Variants in COL4A1 observed in about 807,000 individuals in gnomAD.
COL4A1 encodes the protein collagen alpha-1(IV) chain.
In COL4A1, 40 loss-of-function variants were observed where a neutral mutation model predicts 216.6. The observed-to-expected ratio is 0.18, with a 90% CI of 0.14 to 0.24. The LOEUF (loss-of-function observed/expected upper bound fraction) is 0.24, where lower values mean the gene tolerates loss of function less well. Ranked by LOEUF, COL4A1 falls within the 10% of genes least tolerant of loss-of-function variation. COL4A1 has a pLI of 1.00. For synonymous variants in COL4A1, 839 were observed against 810.7 expected (o/e 1.03, Z -0.59); for missense variants, 1,628 against 2,196.8 (o/e 0.74, Z 5.18).
At chr13:110,299,724 T>A (rs1884420213) in intron 1 of COL4A1, among the ~76,000 whole-genome samples, 1 of 152,234 alleles carries the variant, frequency 6.6e-6, no homozygotes, top group Admixed American at 6.5e-5. Context: ...GTCTGACCCG[T>A]TAATGCCAGC....
At chr13:110,212,526 A>T in intron 5 of COL4A1, 47 bp from the exon 6 acceptor site, 1 of 1,614,188 alleles carries the variant, frequency 6.2e-7, no homozygotes, top group Non-Finnish European at 8.5e-7. Flanking sequence ...AAATCGCCTG[A>T]TGGAAGAATA....
intron 50 of COL4A1, among the ~76,000 whole-genome samples, chr13:110,153,231 T>G (rs1457654290): frequency 6.6e-6 from 1 of 152,176 alleles, no homozygotes; most frequent in Non-Finnish European, 1.5e-5. Flanking sequence ...CTCCACTGAT[T>G]CCCAGCTGAG....
At chr13:110,199,135 A>G (rs669400) in intron 20 of COL4A1, among the ~76,000 whole-genome samples, 151,078 of 152,316 alleles carry the variant, frequency 0.99, 74,943 homozygotes, top group Middle Eastern at 1. Context: ...GGTCAGGTTC[A>G]GCCACTGTAA....
rs565569586 is a variant in COL4A1 at position 110,231,773 on chromosome 13, ATCT to A, written c.144+10899_144+10901del. Among the ~76,000 whole-genome samples the A allele has an allele frequency of 8.5e-4, 130 of 152,230 alleles. 1 individual carries two copies. Among genetic ancestry groups the A allele is most frequent in the African/African-American group, 2.8e-3 (117 of 41,538 alleles). ...ATAGACAGATGTCATTCCTTTACCA[ATCT>A]TCTAGGGAAAACCACTTCAAAATCA... On this transcript the variant is annotated intron_variant, in intron 2 of 51. Coordinates refer to ENST00000375820, the MANE Select transcript of COL4A1 (RefSeq NM_001845.6).
chr13:110,226,509 A>G (rs1411993862), intron 2 of COL4A1, among the ~76,000 whole-genome samples: 1 of 152,112 alleles, frequency 6.6e-6, no homozygotes. Context: ...TAATTTCAAT[A>G]CTCCATTAAT....
intron 49 of COL4A1, among the ~76,000 whole-genome samples, chr13:110,157,013 G>A (rs2049002928): frequency 6.6e-6 from 1 of 152,142 alleles, no homozygotes; most frequent in Non-Finnish European, 1.5e-5. Context: ...TGCTAGACAC[G>A]AGACCTAGAA....
chr13:110,213,111 CAGGT>C (rs1879896991), intron 4 of COL4A1, among the ~76,000 whole-genome samples: 2 of 152,060 alleles, frequency 1.3e-5, no homozygotes, highest in Non-Finnish European at 2.9e-5. Flanking sequence ...CTTCGGGACT[CAGGT>C]GGGGGGAAGG....
chr13:110,212,997 C>A (rs1879889267), intron 4 of COL4A1, among the ~76,000 whole-genome samples: 1 of 152,176 alleles, frequency 6.6e-6, no homozygotes. Context: ...GGCCATTATT[C>A]TAAGTGAAGT....
rs201150281 is a variant in COL4A1, at chr13:110,155,380, G to A, written c.4658C>T (p.Ala1553Val). 104 of 1,613,964 alleles carry A rather than the reference G, an allele frequency of 6.4e-5. No individual in the cohort carries two copies. The East Asian group carries it at 9.6e-4, about 15-fold the overall frequency. The change falls in exon 50 of 52, where the codon GCG becomes GTG. Residue 1553 changes from alanine (A) to valine (V), a missense_variant. Coordinates refer to ENST00000375820, the MANE Select transcript of COL4A1 (RefSeq NM_001845.6). ...GTGCACGGCCATCACCATGGCAGGC[G>A]CCTCACACACAGCACACCTGGAAGT... is the stretch of plus-strand genomic sequence containing the variant. ...PFISRCAVCE[A>V]PAMVMAVHSQ...
At chr13:110,229,718 C>A (rs75292464) in intron 2 of COL4A1, among the ~76,000 whole-genome samples, 1 of 152,218 alleles carries the variant, frequency 6.6e-6, no homozygotes, top group Non-Finnish European at 1.5e-5. Context: ...CAGCCGACCT[C>A]GAATCTGCTG....
intron 1 of COL4A1, among the ~76,000 whole-genome samples, chr13:110,299,131 C>T (rs746708313): frequency 3.9e-5 from 6 of 152,214 alleles, no homozygotes; most frequent in Admixed American, 6.5e-5. Context: ...CGGGGAGGGC[C>T]ATGTTACACG....
Position 110,152,210 on chromosome 13 carries a change from A to G in COL4A1, c.4928+124T>C, listed in dbSNP as rs1191940121. Reference sequence around the variant, plus strand: ...CGGTCATCTGCCCATGTCGAACAGCATCAAATATTCATTGCTAACCATCTT... The same window carrying G: ...CGGTCATCTGCCCATGTCGAACAGCGTCAAATATTCATTGCTAACCATCTT... On this transcript the variant is annotated intron_variant, in intron 51 of 51. Transcript: ENST00000375820. The G allele has an allele frequency of 3.8e-5, 55 of 1,461,340 alleles. No homozygotes were observed. The East Asian group carries it at 1.3e-3, about 36-fold the overall frequency. The allele number at this position is 1,461,340 out of a possible 1,614,324, so 90.5% of individuals were successfully genotyped here. A position where few individuals can be genotyped will look rare whatever the true frequency, so the allele number is the denominator to read the frequency against.
At chr13:110,299,957 T>C (rs538251723) in intron 1 of COL4A1, among the ~76,000 whole-genome samples, 1 of 152,320 alleles carries the variant, frequency 6.6e-6, no homozygotes, top group East Asian at 1.9e-4. Flanking sequence ...TTGGATGATA[T>C]GAAAATAAAT....
chr13:110,287,125 G>T (rs1050343963), intron 1 of COL4A1, among the ~76,000 whole-genome samples: 1 of 152,188 alleles, frequency 6.6e-6, no homozygotes, highest in African/African-American at 2.4e-5. Flanking sequence ...CCCAGGTGTA[G>T]ACATGAGGGC....
chr13:110,192,695 C>T lies in COL4A1; in HGVS notation c.1465+135G>A, dbSNP rs567881828. The T allele has an allele frequency of 9.2e-5, 64 of 693,284 alleles. 1 individual carries two copies. Among genetic ancestry groups the T allele is most frequent in the African/African-American group, 9.0e-4 (50 of 55,760 alleles). The allele number at this position is 693,284 out of a possible 1,614,324, so 42.9% of individuals were successfully genotyped here. On this transcript the variant is annotated intron_variant, in intron 23 of 51. Transcript: ENST00000375820. ...GTGGACAAATCCTGGAAGTGGGGCC[C>T]AACATTCTTCTGATTATGCTTTAGG...
chr13:110,194,810 C>T (rs1355944732), intron 22 of COL4A1, among the ~76,000 whole-genome samples: 2 of 152,190 alleles, frequency 1.3e-5, no homozygotes, highest in Non-Finnish European at 2.9e-5. Flanking sequence ...AAAACTCTGA[C>T]TTTCAGGGCT....
At chr13:110,198,820 T>A (rs545842082) in intron 20 of COL4A1, among the ~76,000 whole-genome samples, 189 bp from the exon 21 acceptor site, 29 of 152,326 alleles carry the variant, frequency 1.9e-4, no homozygotes, top group African/African-American at 7.0e-4. Context: ...CAGTCAAATG[T>A]TTCCTACAAA....
chr13:110,158,348 G>A (rs868204389), intron 49 of COL4A1, among the ~76,000 whole-genome samples: 1 of 152,210 alleles, frequency 6.6e-6, no homozygotes, highest in Non-Finnish European at 1.5e-5. Context: ...GGTCCCACGT[G>A]GCATAGCTCT....
intron 49 of COL4A1, among the ~76,000 whole-genome samples, chr13:110,158,472 C>T (rs1876899165): frequency 6.6e-6 from 1 of 152,226 alleles, no homozygotes; most frequent in Admixed American, 6.5e-5. Flanking sequence ...CCTGGGGCAG[C>T]TGGGCAGGAG....
Sources: allele counts gnomAD v4.1 joint callset (sites outside exome capture counted in the v4.1 genomes callset), GRCh38; gene constraint gnomAD v4.1.1; transcripts MANE v1.5; gene names NCBI Gene and HGNC (gene_info 2026-07-23, HGNC 2026-07-21).